The following CDH4 variants were observed in gnomAD, a reference collection of about 807,000 sequenced individuals.
The protein encoded by CDH4 is cadherin 4.
Under a neutral mutation model 86.0 loss-of-function variants are expected in CDH4, and 33 were observed. The ratio of observed to expected loss-of-function variants is 0.38; its 90% CI spans 0.29 to 0.51. The LOEUF is 0.51. CDH4 is among the 20% of genes least tolerant of loss of function. The pLI, the probability that CDH4 is intolerant of heterozygous loss-of-function variation, is 0.86. For missense variants in CDH4, 1,114 were observed against 1,307.4 expected (o/e 0.85, Z 2.28); for synonymous variants, 555 against 549.4 (o/e 1.01, Z -0.14).
chr20:61,690,950 C>T (rs375767588), intron 2 of CDH4, among the ~76,000 whole-genome samples: 2 of 152,152 alleles, frequency 1.3e-5, no homozygotes, highest in Non-Finnish European at 2.9e-5. Flanking sequence ...GCAGACCCCC[C>T]GCCCCAGGGC....
rs540751955 is a variant in CDH4, at chr20:61,644,291, C to T, written c.170-99272C>T. On this transcript the variant is annotated intron_variant, in intron 2 of 15. Transcript: ENST00000614565. Reference sequence around the variant, plus strand: ...AAAAAGGGAGGCCACGTCACAGGCGCGTTTTAATCATCGGAGCACTCCTGA... The same window carrying T: ...AAAAAGGGAGGCCACGTCACAGGCGTGTTTTAATCATCGGAGCACTCCTGA... Among the ~76,000 whole-genome samples, 200 of 152,336 alleles carry T rather than the reference C, an allele frequency of 1.3e-3. 2 individuals carry two copies. The highest frequency in any genetic ancestry group is 4.6e-3 in the African/African-American group (192 of 41,576).
intron 2 of CDH4, among the ~76,000 whole-genome samples, chr20:61,489,214 C>T (rs1035583628): frequency 2.6e-5 from 4 of 152,186 alleles, no homozygotes; most frequent in African/African-American, 9.7e-5. Context: ...TCTTCAATTG[C>T]TTGACAGCCA....
At chr20:61,858,457 CTG>C (rs1206525217) in intron 6 of CDH4, among the ~76,000 whole-genome samples, 1 of 148,810 alleles carries the variant, frequency 6.7e-6, no homozygotes, top group Non-Finnish European at 1.5e-5. Flanking sequence ...GTGTCTGTAT[CTG>C]TGTGTGTCTC....
intron 2 of CDH4, among the ~76,000 whole-genome samples, chr20:61,690,136 C>T (rs996346355): frequency 1.8e-4 from 25 of 140,324 alleles, no homozygotes; most frequent in African/African-American, 6.5e-4. Context: ...GGTGGGGACA[C>T]TGGTTGGTGA....
At chr20:61,315,864 C>T (rs2084473497) in intron 2 of CDH4, among the ~76,000 whole-genome samples, 1 of 152,138 alleles carries the variant, frequency 6.6e-6, no homozygotes, top group Non-Finnish European at 1.5e-5. Context: ...CCACCATGTC[C>T]AGCTAATTTT....
intron 2 of CDH4, chr20:61,370,994 C>T (rs996009559): frequency 6.6e-6 from 1 of 152,234 alleles, no homozygotes; most frequent in Non-Finnish European, 1.5e-5. Flanking sequence ...CTTGGAGAGG[C>T]TTCCTGGGAA....
In CDH4 at chr20:61,501,348, AAG is replaced by A. The variant is rs1327083820; in HGVS notation, c.170-242208_170-242207del. 6.6e-6 allele frequency among the ~76,000 whole-genome samples: 1 copy of A among 152,202 alleles called. No individual in the cohort carries two copies. Among genetic ancestry groups the A allele is most frequent in the African/African-American group, 2.4e-5 (1 of 41,456 alleles). On this transcript the variant is annotated intron_variant, in intron 2 of 15. Coordinates refer to ENST00000614565, the MANE Select transcript of CDH4 (RefSeq NM_001794.5). The surrounding 1 kb of genome is among the most constrained non-coding windows in gnomAD (Gnocchi z 4.2). ...AGAACAGCGGTTAGAGACGGGTGGA[AAG>A]AGAGAGCATTGGGGTGACTGAGACA...
At chr20:61,622,404 G>A (rs189021747) in intron 2 of CDH4, among the ~76,000 whole-genome samples, 225 of 152,344 alleles carry the variant, frequency 1.5e-3, no homozygotes, top group African/African-American at 5.0e-3. Flanking sequence ...GGCATACCCC[G>A]GGTGCAAGAA....
intron 2 of CDH4, among the ~76,000 whole-genome samples, chr20:61,722,776 C>G (rs1322554360): frequency 6.6e-6 from 1 of 152,198 alleles, no homozygotes; most frequent in Non-Finnish European, 1.5e-5. Context: ...TCCAACAATG[C>G]CTTTCATCCA....
At chr20:61,271,610 C>G (rs1455993223) in intron 2 of CDH4, among the ~76,000 whole-genome samples, 1 of 152,224 alleles carries the variant, frequency 6.6e-6, no homozygotes, top group Admixed American at 6.5e-5. Flanking sequence ...GCTCACATCC[C>G]AAACATCTCC....
At chr20:61,743,844 G>C (rs2088376404) in intron 3 of CDH4, 55 bp downstream of exon 3, 1 of 1,337,306 alleles carries the variant, frequency 7.5e-7, no homozygotes, top group Non-Finnish European at 1.0e-6. Context: ...AGTTCCTCCT[G>C]CAGGCCCTGG....
intron 3 of CDH4, among the ~76,000 whole-genome samples, chr20:61,764,861 A>G (rs2088680562): frequency 6.6e-6 from 1 of 152,240 alleles, no homozygotes; most frequent in Admixed American, 6.5e-5. Flanking sequence ...TGCAGGTCGC[A>G]GGGCCCAGCA....
chr20:61,464,924 A>C (rs1196804766), intron 2 of CDH4, among the ~76,000 whole-genome samples: 1 of 152,248 alleles, frequency 6.6e-6, no homozygotes, highest in Non-Finnish European at 1.5e-5. Context: ...CTTTTTATCC[A>C]GGTCATGCAT....
intron 2 of CDH4, among the ~76,000 whole-genome samples, chr20:61,485,236 T>G (rs1156906071): frequency 6.6e-6 from 1 of 152,242 alleles, no homozygotes; most frequent in Non-Finnish European, 1.5e-5. Context: ...ATTAACTTTC[T>G]AATATAATTA....
In CDH4 at chr20:61,894,881, TTC is replaced by T. The variant is rs745362438; in HGVS notation, c.1051-27_1051-26del. Reference sequence around the variant, plus strand: ...AATTAAAACCCAAACTGATTTTCTGTTCTTTCTCAACTGGTGTCTCCCTTCCA... The same window carrying T: ...AATTAAAACCCAAACTGATTTTCTGTTTTCTCAACTGGTGTCTCCCTTCCA... On this transcript the variant is annotated intron_variant, in intron 7 of 15. Coordinates refer to ENST00000614565, the MANE Select transcript of CDH4 (RefSeq NM_001794.5). 3.8e-6 allele frequency: 6 copies of T among 1,594,208 alleles called. No homozygotes were observed. The African/African-American group carries it at 4.0e-5, about 11-fold the overall frequency.
intron 7 of CDH4, among the ~76,000 whole-genome samples, chr20:61,887,477 G>A (rs578162780): frequency 1.3e-5 from 2 of 152,276 alleles, no homozygotes; most frequent in East Asian, 3.9e-4. Context: ...GTGTATACAC[G>A]CACACACAGG....
At chr20:61,342,798 C>T (rs1216881320) in intron 2 of CDH4, among the ~76,000 whole-genome samples, 1 of 152,250 alleles carries the variant, frequency 6.6e-6, no homozygotes, top group African/African-American at 2.4e-5. Context: ...CTCTGTTAAT[C>T]ATGGAGACCG....
At chr20:61,610,893 T>C (rs1208663562) in intron 2 of CDH4, among the ~76,000 whole-genome samples, 1 of 151,920 alleles carries the variant, frequency 6.6e-6, no homozygotes, top group African/African-American at 2.4e-5. Context: ...GGCTCCAGAG[T>C]GGACCTGCAG....
Position 61,754,333 on chromosome 20 carries a change from G to GCCAGGGGTCCCGC in CDH4, c.396+10551_396+10563dup, listed in dbSNP as rs1473314022. On this transcript the variant is annotated intron_variant, in intron 3 of 15. Transcript: ENST00000614565. The surrounding 1 kb of genome is among the most constrained non-coding windows in gnomAD (Gnocchi z 4.7). ...CCGAAGGCAGGGAGGAGTGTCCCCA[G>GCCAGGGGTCCCGC]CCAGGGGTCCCGCCCAGGGCTCCAA... Among the ~76,000 whole-genome samples the GCCAGGGGTCCCGC allele has an allele frequency of 6.6e-6, 1 of 152,144 alleles. No individual in the cohort carries two copies. The highest frequency in any genetic ancestry group is 1.5e-5 in the Non-Finnish European group (1 of 68,000).
Sources: gnomAD v4.1 joint callset for allele counts (sites outside exome capture counted in the v4.1 genomes callset) on GRCh38, gnomAD v4.1.1 for gene constraint, Gnocchi (gnomAD v3.1) non-coding constraint, MANE v1.5 for transcripts, NCBI Gene and HGNC (gene_info 2026-07-23, HGNC 2026-07-21) for gene names.